IGF2BP3: variants seen among roughly 807,000 people sequenced by gnomAD.
The protein encoded by IGF2BP3 is insulin like growth factor 2 mRNA binding protein 3, also known as insulin-like growth factor 2 mRNA-binding protein 3.
IGF2BP3 carries 9 observed loss-of-function variants against 73.8 expected under a neutral mutation model. The observed-to-expected ratio is 0.12, with a 90% CI of 0.07 to 0.21. IGF2BP3 has a LOEUF of 0.21. Ranked by LOEUF, IGF2BP3 falls within the 10% of genes least tolerant of loss-of-function variation. The pLI, the probability that IGF2BP3 is intolerant of heterozygous loss-of-function variation, is 1.00. For missense variants in IGF2BP3, 542 were observed against 714.0 expected (o/e 0.76, Z 2.75); for synonymous variants, 258 against 256.7 (o/e 1.01, Z -0.05).
intron 6 of IGF2BP3, among the ~76,000 whole-genome samples, chr7:23,350,288 GA>G (rs34445764): frequency 0.05 from 7,627 of 151,862 alleles, 649 homozygotes; most frequent in African/African-American, 0.17. Flanking sequence ...GGATCACACT[GA>G]AAAAAAAGAA....
chr7:23,434,828 T>A (rs1787771057), intron 2 of IGF2BP3, among the ~76,000 whole-genome samples: 1 of 152,044 alleles, frequency 6.6e-6, no homozygotes, highest in Non-Finnish European at 1.5e-5. Flanking sequence ...GACAAACAAG[T>A]TAAAAAAAAA....
chr7:23,382,842 G>A (rs1785953618), intron 3 of IGF2BP3, among the ~76,000 whole-genome samples: 1 of 140,516 alleles, frequency 7.1e-6, no homozygotes. Context: ...AGATTTGCTG[G>A]AGCCTAGGAG....
intron 3 of IGF2BP3, among the ~76,000 whole-genome samples, chr7:23,364,862 G>GT (rs1399497025): frequency 1.3e-5 from 2 of 151,682 alleles, no homozygotes; most frequent in African/African-American, 2.4e-5. Flanking sequence ...AGTTTAATAT[G>GT]TTATTTAAAA....
chr7:23,432,811 T>C (rs1383991183), intron 2 of IGF2BP3, among the ~76,000 whole-genome samples: 1 of 152,160 alleles, frequency 6.6e-6, no homozygotes, highest in East Asian at 1.9e-4. Flanking sequence ...CAGCTAATTT[T>C]TGTATTTTTC....
intron 3 of IGF2BP3, among the ~76,000 whole-genome samples, chr7:23,371,538 A>T (rs543160303): frequency 6.6e-6 from 1 of 152,344 alleles, no homozygotes; most frequent in East Asian, 1.9e-4. Context: ...ACCTTAATGT[A>T]TATTTCTCTA....
intron 2 of IGF2BP3, among the ~76,000 whole-genome samples, chr7:23,464,833 A>G (rs1465072588): frequency 6.6e-6 from 1 of 152,026 alleles, no homozygotes; most frequent in Non-Finnish European, 1.5e-5. Context: ...CTTCAAATGT[A>G]TTTTTCCTAC....
intron 2 of IGF2BP3, among the ~76,000 whole-genome samples, chr7:23,442,525 G>A (rs1470108823): frequency 1.3e-5 from 2 of 152,068 alleles, no homozygotes; most frequent in African/African-American, 2.4e-5. Context: ...AGCCTCTGGA[G>A]TAGCTGGGAT....
chr7:23,401,394 A>C (rs1050789194), intron 3 of IGF2BP3, among the ~76,000 whole-genome samples: 1 of 152,168 alleles, frequency 6.6e-6, no homozygotes, highest in Non-Finnish European at 1.5e-5. Context: ...CCTGCCTTGT[A>C]TTAGGAATTG....
intron 12 of IGF2BP3, among the ~76,000 whole-genome samples, chr7:23,315,621 C>G (rs1452402299): frequency 6.6e-6 from 1 of 152,130 alleles, no homozygotes; most frequent in Non-Finnish European, 1.5e-5. Context: ...TAGGGCACTA[C>G]CGACAAAACA....
chr7:23,335,265 T>TA (rs1449507646), intron 10 of IGF2BP3, among the ~76,000 whole-genome samples: 1 of 148,316 alleles, frequency 6.7e-6, no homozygotes, highest in Non-Finnish European at 1.5e-5. Flanking sequence ...TCATCTGATT[T>TA]AAAAAATTCC....
chr7:23,410,160 C>T (rs1226065412), intron 3 of IGF2BP3, among the ~76,000 whole-genome samples: 5 of 151,776 alleles, frequency 3.3e-5, no homozygotes, highest in African/African-American at 1.2e-4. Context: ...CAGAGCGACA[C>T]TCCATCTTAA....
At chr7:23,428,848 CAG>C (rs1406229336) in intron 2 of IGF2BP3, among the ~76,000 whole-genome samples, 2 of 151,602 alleles carry the variant, frequency 1.3e-5, no homozygotes, top group Non-Finnish European at 2.9e-5. Context: ...ATTATTAATT[CAG>C]AGTCATACAT....
chr7:23,325,472 A>C (rs1389845973), intron 10 of IGF2BP3, among the ~76,000 whole-genome samples: 1 of 152,234 alleles, frequency 6.6e-6, no homozygotes, highest in East Asian at 1.9e-4. Context: ...AGGAAGAATC[A>C]ATATCGTGAA....
chr7:23,411,091 T>G (rs1343185724), intron 3 of IGF2BP3, among the ~76,000 whole-genome samples: 1 of 152,220 alleles, frequency 6.6e-6, no homozygotes, highest in Non-Finnish European at 1.5e-5. Context: ...GTTTATCTGC[T>G]ATTTATTTAG....
At chr7:23,375,866 C>T (rs1447345667) in intron 3 of IGF2BP3, among the ~76,000 whole-genome samples, 1 of 152,176 alleles carries the variant, frequency 6.6e-6, no homozygotes, top group South Asian at 2.1e-4. Flanking sequence ...AAGAATTAGT[C>T]CTTCAGGTGT....
chr7:23,446,326 C>A (rs113109708), intron 2 of IGF2BP3, among the ~76,000 whole-genome samples: 3,760 of 151,896 alleles, frequency 0.025, 60 homozygotes, highest in Non-Finnish European at 0.037. Flanking sequence ...CTTTGGGAGA[C>A]CAAGGTGGGT....
At chr7:23,380,873 T>C (rs935965910) in intron 3 of IGF2BP3, among the ~76,000 whole-genome samples, 1 of 152,250 alleles carries the variant, frequency 6.6e-6, no homozygotes, top group Non-Finnish European at 1.5e-5. Flanking sequence ...CAGCACCCGA[T>C]GGCAGACTTC....
At position 23,393,154 on chromosome 7, in the gene IGF2BP3, G is replaced by A. The variant is rs1035542440; in HGVS notation, c.285+25622C>T. 2.4e-4 allele frequency among the ~76,000 whole-genome samples: 36 copies of A among 152,220 alleles called. 1 individual carries two copies. The highest frequency in any genetic ancestry group is 2.1e-4 in the South Asian group (1 of 4,812). ...CTCAAGATGTCTTCTGCCCGCTGGAGTGGCCTTCCAGAAGGACCCTTTACC... is the reference window on the plus strand; with the variant it reads ...CTCAAGATGTCTTCTGCCCGCTGGAATGGCCTTCCAGAAGGACCCTTTACC... On this transcript the variant is annotated intron_variant, in intron 3 of 14. Transcript: ENST00000258729.
chr7:23,433,735 T>C (rs1003008627), intron 2 of IGF2BP3, among the ~76,000 whole-genome samples: 1 of 147,296 alleles, frequency 6.8e-6, no homozygotes, highest in African/African-American at 2.4e-5. Flanking sequence ...TAAAACTAAT[T>C]GATTAAATTT....
Sources: allele counts gnomAD v4.1 joint callset (sites outside exome capture counted in the v4.1 genomes callset), GRCh38; gene constraint gnomAD v4.1.1; transcripts MANE v1.5; gene names NCBI Gene and HGNC (gene_info 2026-07-23, HGNC 2026-07-21).